Variants in CLK2 observed in about 807,000 individuals in gnomAD.
CLK2 encodes the protein dual specificity protein kinase CLK2.
Under a neutral mutation model 73.5 loss-of-function variants are expected in CLK2, and 12 were observed. That is an observed-to-expected ratio of 0.16 (90% confidence interval 0.10 to 0.26). CLK2 has a LOEUF of 0.26. Among genes scored for constraint, CLK2 ranks in the 10% least tolerant of loss-of-function variants. The probability of loss-of-function intolerance (pLI) is 1.00; values close to 1 mark genes in which losing one functional copy is unlikely to be tolerated. For missense variants in CLK2, 509 were observed against 688.4 expected (o/e 0.74, Z 2.92); for synonymous variants, 232 against 237.9 (o/e 0.98, Z 0.23).
In CLK2 at chr1:155,268,432, AAG is replaced by A. The variant is rs1317514415; in HGVS notation, c.488-75_488-74del. The A allele has an allele frequency of 1.6e-6, 2 of 1,258,886 alleles. No individual in the cohort carries two copies. The highest frequency in any genetic ancestry group is 2.3e-6 in the Non-Finnish European group (2 of 860,722). 78.0% of individuals were successfully genotyped at this position (1,258,886 alleles called of 1,614,324 possible). On this transcript the variant is annotated intron_variant, in intron 4 of 12. Transcript: ENST00000368361. The surrounding 1 kb of genome is among the most constrained non-coding windows in gnomAD (Gnocchi z 5.6). ...GGGAATGAGCTGAGTTGGAAGAAAA[AAG>A]GGGACAGCAACCTGGGGTGGAGATG...
In CLK2 at chr1:155,264,808, C is replaced by A. The variant is rs773256594; in HGVS notation, c.934-34G>T. Reference sequence around the variant, plus strand: ...AGAGGAGAAAGAGGATGAACCTCTGCACCCAGACTGAGATTCCACCAGTAT... The same window carrying A: ...AGAGGAGAAAGAGGATGAACCTCTGAACCCAGACTGAGATTCCACCAGTAT... On this transcript the variant is annotated intron_variant, in intron 8 of 12. Coordinates refer to ENST00000368361, the MANE Select transcript of CLK2 (RefSeq NM_001294338.2). 4 of 1,609,700 alleles carry A rather than the reference C, an allele frequency of 2.5e-6. No individual in the cohort carries two copies. In the African/African-American group the frequency reaches 4.0e-5, roughly 16 times the overall value.
intron 1 of CLK2, among the ~76,000 whole-genome samples, chr1:155,271,910 A>G (rs927651554): frequency 8.7e-5 from 13 of 149,312 alleles, no homozygotes; most frequent in Non-Finnish European, 1.8e-4. Context: ...TCTTTGGCCA[A>G]CTCTCCCTTG....
At position 155,262,967 on chromosome 1, in the gene CLK2, C is replaced by T; in HGVS notation, c.*251G>A. On this transcript the variant is annotated 3_prime_UTR_variant, in exon 13 of 13. Transcript: ENST00000368361. The stretch of plus-strand genomic sequence containing the variant: ...CCACCTGGTTACCTCACTCGGCCCC[C>T]ATCCAACTCCGTATGAGGGGGCAGG... The T allele has an allele frequency of 2.4e-6, 1 of 418,868 alleles. No homozygotes were observed. The highest frequency in any genetic ancestry group is 4.2e-6 in the Non-Finnish European group (1 of 237,240). The allele number at this position is 418,868 out of a possible 1,614,324, so 25.9% of individuals were successfully genotyped here. A position where few individuals can be genotyped will look rare whatever the true frequency, so the allele number is the denominator to read the frequency against.
rs1341549419 is a variant in CLK2 at position 155,270,955 on chromosome 1, T to A, written c.23A>T (p.His8Leu). Residue 8 changes from histidine to leucine, a missense_variant, in exon 2 of 13, where the codon CAC becomes CTC. This residue lies in a region of CLK2 where 222 missense variants were observed against 221.7 expected (regional missense o/e 1.00). Coordinates refer to ENST00000368361, the MANE Select transcript of CLK2 (RefSeq NM_001294338.2). ...CCCCCGGCTGCCTCGCTCTGAGGAG[T>A]GGTACCTTCGAGGATGCGGCATCTG... MPHPRRY[H>L]SSERGSRGSY... 6.2e-7 allele frequency: 1 copy of A among 1,612,564 alleles called. No individual in the cohort carries two copies. Among genetic ancestry groups the A allele is most frequent in the Admixed American group, 1.7e-5 (1 of 59,952 alleles).
At chr1:155,266,968 G>GT (rs1673261160) in intron 6 of CLK2, 73 bp from the exon 7 acceptor site, 2 of 1,521,242 alleles carry the variant, frequency 1.3e-6, no homozygotes, top group African/African-American at 1.4e-5. Flanking sequence ...CAACAAGGAG[G>GT]TACTTCATAG....
rs763812210 is a variant in CLK2 at position 155,270,822 on chromosome 1, A to G, written c.156T>C (p.His52=). 38 of 1,608,210 alleles carry G rather than the reference A, an allele frequency of 2.4e-5. No individual in the cohort carries two copies. Among genetic ancestry groups the G allele is most frequent in the Middle Eastern group, 1.7e-4 (1 of 6,032 alleles). ...TRRRRREDSY[H]VRSRSSYDDR... ...TGAGGCCTCACCTTCGAGAACGGAC[A>G]TGGTAGCTGTCCTCTCGCCGACGCC... is the stretch of plus-strand genomic sequence containing the variant. The change falls in exon 2 of 13, where the codon CAT becomes CAC. Residue 52 remains histidine, a synonymous_variant. Transcript: ENST00000368361.
Position 155,263,362 on chromosome 1 carries a change from G to T in CLK2, c.1356C>A (p.Leu452=). ...CTAGCATGCTTTCAATCAGATCGAA[G>T]AGCTGGTGGTGTTCCTCTGCCTCTG... ...LTSEAEEHHQ[L]FDLIESMLEY... The change falls in exon 13 of 13, where the codon CTC becomes CTA. Residue 452 remains leucine (L), a synonymous_variant. Transcript: ENST00000368361. 1.9e-6 allele frequency: 3 copies of T among 1,614,194 alleles called. No homozygotes were observed. Among genetic ancestry groups the T allele is most frequent in the South Asian group, 1.1e-5 (1 of 91,092 alleles).
In CLK2 at chr1:155,268,386, G is replaced by A. The variant is rs767432956; in HGVS notation, c.488-27C>T. ...TGAAATGAAAGAGAGCAGGGTCGGG[G>A]AGAGGGAGGGAGAGAAGGTGGGGAA... On this transcript the variant is annotated intron_variant, in intron 4 of 12. Transcript: ENST00000368361. This position sits in a 1 kb window ranked among gnomAD's most constrained non-coding sequence, Gnocchi z 5.6. 1.9e-6 allele frequency: 3 copies of A among 1,595,446 alleles called. No homozygotes were observed. The highest frequency in any genetic ancestry group is 2.7e-5 in the African/African-American group (2 of 74,506).
intron 1 of CLK2, among the ~76,000 whole-genome samples, chr1:155,271,467 T>A (rs1673503814): frequency 1.3e-5 from 2 of 152,094 alleles, no homozygotes; most frequent in African/African-American, 4.8e-5. Flanking sequence ...CTCGTGATCC[T>A]CCTGCCTCGG....
Position 155,269,576 on chromosome 1 carries a change from T to G in CLK2, c.311A>C (p.Glu104Ala). The G allele has an allele frequency of 1.2e-6, 2 of 1,614,198 alleles. No individual in the cohort carries two copies. Among genetic ancestry groups the G allele is most frequent in the Non-Finnish European group, 1.7e-6 (2 of 1,180,036 alleles). The change falls in exon 3 of 13, where the codon GAG becomes GCG. Residue 104 changes from glutamate (E) to alanine (A), a missense_variant. Glu to Ala is a moderately radical substitution (Grantham distance 107, BLOSUM62 -1). This residue lies in a region of CLK2 where 222 missense variants were observed against 221.7 expected (regional missense o/e 1.00). Transcript: ENST00000368361. ...GCGCTGGCTGCGGTAACTGCTGTTC[T>G]CCCGCTGATATTCATAGGAATGCCG... ...DYRHSYEYQR[E>A]NSSYRSQRSS...
rs766225958 is a variant in CLK2, at chr1:155,269,529, G to T, written c.358C>A (p.Arg120=). 1 of 1,614,034 alleles carries T rather than the reference G, an allele frequency of 6.2e-7. No homozygotes were observed. ...AATGTCCGGCTGCGCCTCCTCCGCCGTCTGTGCTTCCTCCGGCTGCTGCGC... is the reference window on the plus strand; with the variant it reads ...AATGTCCGGCTGCGCCTCCTCCGCCTTCTGTGCTTCCTCCGGCTGCTGCGC... ...SQRSSRRKHR[R]RRRRSRTFSR... The change falls in exon 3 of 13, where the codon CGG becomes AGG. Residue 120 remains arginine, a synonymous_variant. Transcript: ENST00000368361.
At position 155,268,538 on chromosome 1, in the gene CLK2, G is replaced by GT; in HGVS notation, c.487+169dup. 1 of 782,194 alleles carries GT rather than the reference G, an allele frequency of 1.3e-6. No homozygotes were observed. Among genetic ancestry groups the GT allele is most frequent in the East Asian group, 2.5e-5 (1 of 39,652 alleles). 48.5% of individuals were successfully genotyped at this position (782,194 alleles called of 1,614,324 possible). A position where few individuals can be genotyped will look rare whatever the true frequency, so the allele number is the denominator to read the frequency against. On this transcript the variant is annotated intron_variant, in intron 4 of 12. Transcript: ENST00000368361. This position sits in a 1 kb window ranked among gnomAD's most constrained non-coding sequence, Gnocchi z 5.6. ...TCCCACCACCTTTAACCCAGGGGCC[G>GT]TGAGAGCTGGGAGTGGACAACAGAG...
chr1:155,268,321 G>A lies in CLK2; in HGVS notation c.526C>T (p.Arg176Ter), dbSNP rs1402327889. Residue 176 changes from arginine to a stop codon, truncating the protein, a stop_gained, in exon 5 of 13, where the codon CGA becomes TGA. Transcript: ENST00000368361. LOFTEE classifies it high-confidence loss of function. The surrounding 1 kb of genome is among the most constrained non-coding windows in gnomAD (Gnocchi z 5.6). Reference sequence around the variant, plus strand: ...CGATGGTCAACACATTGTACAACTCGGCCGAAGGTCCCCTCTCCTAAGGTG... The same window carrying A: ...CGATGGTCAACACATTGTACAACTCAGCCGAAGGTCCCCTCTCCTAAGGTG... The part of the protein sequence containing the change: ...VSTLGEGTFG[R>*]VVQCVDHRRG... The A allele has an allele frequency of 1.2e-6, 2 of 1,614,080 alleles. No homozygotes were observed. Among genetic ancestry groups the A allele is most frequent in the Non-Finnish European group, 1.7e-6 (2 of 1,180,006 alleles).
chr1:155,263,093 C>T lies in CLK2; in HGVS notation c.*125G>A, dbSNP rs1169836724. The T allele has an allele frequency of 2.3e-6, 2 of 851,696 alleles. No homozygotes were observed. Among genetic ancestry groups the T allele is most frequent in the African/African-American group, 3.4e-5 (2 of 58,486 alleles). The allele number at this position is 851,696 out of a possible 1,614,324, so 52.8% of individuals were successfully genotyped here. On this transcript the variant is annotated 3_prime_UTR_variant, in exon 13 of 13. Transcript: ENST00000368361. Reference sequence around the variant, plus strand: ...ATATTTACACTATTTCACATATTCACAGGTATATAGAGAGCCAGGAGGAAG... The same window carrying T: ...ATATTTACACTATTTCACATATTCATAGGTATATAGAGAGCCAGGAGGAAG...
chr1:155,269,337 C>T (rs1673383729), intron 3 of CLK2, 151 bp downstream of exon 3: 7 of 681,056 alleles, frequency 1.0e-5, no homozygotes, highest in African/African-American at 3.6e-5. Flanking sequence ...CTTCAAGAGT[C>T]GGAGAGCTTC....
chr1:155,267,246 C>T (rs2148137580), intron 6 of CLK2, among the ~76,000 whole-genome samples: 1 of 152,258 alleles, frequency 6.6e-6, no homozygotes, highest in South Asian at 2.1e-4. Context: ...TTGTCCACCA[C>T]CATGCCCGGC....
At chr1:155,266,053 G>A (rs1673217079) in intron 7 of CLK2, 99 bp from the exon 8 acceptor site, 2 of 791,104 alleles carry the variant, frequency 2.5e-6, no homozygotes, top group South Asian at 2.7e-5. Context: ...AGCCAGTGAG[G>A]AGACAGGTCC....
rs1255226880 is a variant in CLK2, at chr1:155,269,053, G to A, written c.400-258C>T. On this transcript the variant is annotated intron_variant, in intron 3 of 12. Transcript: ENST00000368361. ...ATGGGCAGAGCAGAGAAGTGGTGTTGTTGCCAATGTCACCCACAACCCCAT... is the reference window on the plus strand; with the variant it reads ...ATGGGCAGAGCAGAGAAGTGGTGTTATTGCCAATGTCACCCACAACCCCAT... 1.4e-5 allele frequency: 8 copies of A among 569,814 alleles called. No homozygotes were observed. The South Asian group carries it at 1.8e-4, about 12-fold the overall frequency. 35.3% of individuals were successfully genotyped at this position (569,814 alleles called of 1,614,324 possible).
chr1:155,263,230 A>G lies in CLK2; in HGVS notation c.1488T>C (p.Asp496=). 6.2e-7 allele frequency: 1 copy of G among 1,613,620 alleles called. No homozygotes were observed. Among genetic ancestry groups the G allele is most frequent in the Non-Finnish European group, 8.5e-7 (1 of 1,179,890 alleles). ...PPNKLWDSSR[D]ISR ...CAGGGCCTGATCGTCACCGACTGATATCCCGACTGGAGTCCCACAACTTGT... is the reference window on the plus strand; with the variant it reads ...CAGGGCCTGATCGTCACCGACTGATGTCCCGACTGGAGTCCCACAACTTGT... The change falls in exon 13 of 13, where the codon GAT becomes GAC. Residue 496 remains aspartate, a synonymous_variant. Coordinates refer to ENST00000368361, the MANE Select transcript of CLK2 (RefSeq NM_001294338.2).
Sources: gnomAD v4.1 joint callset for allele counts (sites outside exome capture counted in the v4.1 genomes callset) on GRCh38, gnomAD v4.1.1 for gene constraint, gnomAD v4.1.1 regional missense constraint, Gnocchi (gnomAD v3.1) non-coding constraint, MANE v1.5 for transcripts, NCBI Gene and HGNC (gene_info 2026-07-23, HGNC 2026-07-21) for gene names.